YY1: variants seen among roughly 807,000 people sequenced by gnomAD.
The protein encoded by YY1 is YY1 transcription factor.
In YY1, 2 loss-of-function variants were observed where a neutral mutation model predicts 35.6. The ratio of observed to expected loss-of-function variants is 0.06; its 90% CI spans 0.02 to 0.18. The LOEUF (loss-of-function observed/expected upper bound fraction) is 0.18. Among genes scored for constraint, YY1 ranks in the 10% least tolerant of loss-of-function variants. The pLI is 1.00. For synonymous variants in YY1, 268 were observed against 238.9 expected, an observed-to-expected ratio of 1.12 and a Z score of -1.12; for missense variants, 322 against 573.4, an observed-to-expected ratio of 0.56 and a Z score of 4.48.
intron 2 of YY1, among the ~76,000 whole-genome samples, chr14:100,269,363 G>A (rs78791754): frequency 0.011 from 1,676 of 152,250 alleles, 33 homozygotes; most frequent in African/African-American, 0.038. Context: ...TCAAGGTCAT[G>A]CAGCTAGTAG....
intron 1 of YY1, among the ~76,000 whole-genome samples, chr14:100,260,771 C>CTTTTTTTTTTTTTTTTTTTTTTTT (rs71113254): frequency 2.3e-5 from 1 of 42,568 alleles, no homozygotes; most frequent in Non-Finnish European, 4.4e-5. Flanking sequence ...GTGCCTGGTC[C>CTTTTTTTTTTTTTTTTTTTTTTTT]TTTTTTTTTT....
At chr14:100,253,787 G>A (rs990693542) in intron 1 of YY1, among the ~76,000 whole-genome samples, 2 of 152,024 alleles carry the variant, frequency 1.3e-5, no homozygotes, top group Non-Finnish European at 2.9e-5. Context: ...CGCTGGGCCA[G>A]GGTTAATACT....
chr14:100,260,644 T>C (rs1293787782), intron 1 of YY1, among the ~76,000 whole-genome samples: 2 of 151,188 alleles, frequency 1.3e-5, no homozygotes, highest in Non-Finnish European at 2.9e-5. Flanking sequence ...GGCTAATTTT[T>C]TGTATTTTAG....
intron 1 of YY1, among the ~76,000 whole-genome samples, chr14:100,255,007 C>T (rs1175013696): frequency 1.8e-5 from 2 of 113,456 alleles, no homozygotes; most frequent in African/African-American, 3.5e-5. Context: ...CTATGTTGGC[C>T]AGGCTGGTCT....
chr14:100,276,361 C>T lies in YY1; in HGVS notation c.904-129C>T. 2.4e-6 allele frequency: 3 copies of T among 1,260,420 alleles called. No individual in the cohort carries two copies. Among genetic ancestry groups the T allele is most frequent in the Non-Finnish European group, 3.4e-6 (3 of 883,372 alleles). 78.1% of individuals were successfully genotyped at this position (1,260,420 alleles called of 1,614,324 possible). ...ATGATATTAATGTTCTACCGTAATACTAAGTAAAATTAAAATGGGGGGTTG... is the reference window on the plus strand; with the variant it reads ...ATGATATTAATGTTCTACCGTAATATTAAGTAAAATTAAAATGGGGGGTTG... On this transcript the variant is annotated intron_variant, in intron 3 of 4. Transcript: ENST00000262238. This position sits in a 1 kb window ranked among gnomAD's most constrained non-coding sequence, Gnocchi z 4.1.
intron 1 of YY1, 48 bp from the exon 2 acceptor site, chr14:100,262,256 T>A: frequency 1.2e-6 from 2 of 1,608,310 alleles, no homozygotes; most frequent in Non-Finnish European, 1.7e-6. Context: ...TTTTGTAGTT[T>A]TTAAAATCTA....
intron 1 of YY1, among the ~76,000 whole-genome samples, chr14:100,251,491 T>C (rs1222066723): frequency 6.6e-6 from 1 of 152,208 alleles, no homozygotes; most frequent in Non-Finnish European, 1.5e-5. Context: ...AAATTGGTGG[T>C]AGTTTGTTAC....
intron 1 of YY1, among the ~76,000 whole-genome samples, chr14:100,244,931 A>T (rs911649733): frequency 6.7e-6 from 1 of 148,508 alleles, no homozygotes; most frequent in African/African-American, 2.5e-5. Context: ...TTATTTATTT[A>T]TTTTTTATTT....
Position 100,239,674 on chromosome 14 carries a change from G to T in YY1, c.430G>T (p.Asp144Tyr). 6.2e-7 allele frequency: 1 copy of T among 1,608,240 alleles called. No individual in the cohort carries two copies. Among genetic ancestry groups the T allele is most frequent in the Non-Finnish European group, 8.5e-7 (1 of 1,179,476 alleles). ...GCCCGCGCCGGCCGGCGGCGACGAC[G>T]ACTACATTGAACAAACGCTGGTCAC... is the stretch of plus-strand genomic sequence containing the variant. ...PVPAPAGGDD[D>Y]YIEQTLVTVA... Residue 144 changes from aspartate (D) to tyrosine (Y), a missense_variant, in exon 1 of 5, where the codon GAC becomes TAC. Transcript: ENST00000262238.
chr14:100,250,347 G>A (rs566647118), intron 1 of YY1, among the ~76,000 whole-genome samples: 8 of 152,290 alleles, frequency 5.3e-5, no homozygotes, highest in African/African-American at 1.9e-4. Flanking sequence ...GTTGGGTGAT[G>A]GCAGCGGTGA....
intron 1 of YY1, among the ~76,000 whole-genome samples, chr14:100,249,748 G>GTTTTTTTTTTTTTTTTTTTTT (rs57119106): frequency 1.4e-5 from 2 of 141,026 alleles, no homozygotes; most frequent in Non-Finnish European, 1.5e-5. Flanking sequence ...GCTACTTACC[G>GTTTTTTTTTTTTTTTTTTTTT]TTTTTTTTTT....
intron 1 of YY1, among the ~76,000 whole-genome samples, chr14:100,249,760 G>GTTTTTGTTTTTGTT (rs34925666): frequency 7.0e-6 from 1 of 143,012 alleles, no homozygotes; most frequent in African/African-American, 2.6e-5. Context: ...TTTTTTTTTT[G>GTTTTTGTTTTTGTT]TTTGTTTTTG....
At chr14:100,244,087 G>A (rs1890792016) in intron 1 of YY1, among the ~76,000 whole-genome samples, 1 of 147,900 alleles carries the variant, frequency 6.8e-6, no homozygotes. Flanking sequence ...CAGCCTGGGC[G>A]ACAGAGCAAG....
intron 2 of YY1, among the ~76,000 whole-genome samples, chr14:100,271,927 A>G (rs1891244409): frequency 6.6e-6 from 1 of 152,198 alleles, no homozygotes; most frequent in South Asian, 2.1e-4. Flanking sequence ...ACACGAGTGC[A>G]TCATGTTAGC....
Position 100,276,984 on chromosome 14 carries a change from G to C in YY1, c.1062+336G>C, listed in dbSNP as rs1049474581. The C allele has an allele frequency of 2.4e-6, 1 of 418,306 alleles. No homozygotes were observed. The highest frequency in any genetic ancestry group is 4.4e-6 in the Non-Finnish European group (1 of 226,558). The allele number at this position is 418,306 out of a possible 1,614,324, so 25.9% of individuals were successfully genotyped here. The stretch of plus-strand genomic sequence containing the variant: ...AGTAATTTATTTTTGGTAGTTAATA[G>C]TATAATTACTAACTGATAAAGTTTC... On this transcript the variant is annotated intron_variant, in intron 4 of 4. Coordinates refer to ENST00000262238, the MANE Select transcript of YY1 (RefSeq NM_003403.5). The surrounding 1 kb of genome is among the most constrained non-coding windows in gnomAD (Gnocchi z 4.1).
chr14:100,276,699 G>A lies in YY1; in HGVS notation c.1062+51G>A. ...ACACTGCCTTGCCTGTCTGAACACT[G>A]CAAGTGTAGGTGGTGTGGTGATGAG... On this transcript the variant is annotated intron_variant, in intron 4 of 4. Transcript: ENST00000262238. The surrounding 1 kb of genome is among the most constrained non-coding windows in gnomAD (Gnocchi z 4.1). 3 of 1,612,342 alleles carry A rather than the reference G, an allele frequency of 1.9e-6. 1 individual carries two copies. Among genetic ancestry groups the A allele is most frequent in the Middle Eastern group, 3.4e-4 (2 of 5,958 alleles).
chr14:100,251,083 A>G (rs1185890664), intron 1 of YY1, among the ~76,000 whole-genome samples: 1 of 152,226 alleles, frequency 6.6e-6, no homozygotes, highest in Non-Finnish European at 1.5e-5. Context: ...TGACTGAATA[A>G]TGACTCCCAA....
At chr14:100,260,456 C>T (rs1891067022) in intron 1 of YY1, among the ~76,000 whole-genome samples, 1 of 136,594 alleles carries the variant, frequency 7.3e-6, no homozygotes, top group South Asian at 2.5e-4. Context: ...TACACACACA[C>T]ACACATATAT....
chr14:100,261,200 GT>G (rs1383942417), intron 1 of YY1, among the ~76,000 whole-genome samples: 1 of 151,642 alleles, frequency 6.6e-6, no homozygotes, highest in East Asian at 1.9e-4. Context: ...TTTTTGCTTT[GT>G]TTTTTTGAGA....
Sources: gnomAD v4.1 joint callset for allele counts (sites outside exome capture counted in the v4.1 genomes callset) on GRCh38, gnomAD v4.1.1 for gene constraint, Gnocchi (gnomAD v3.1) non-coding constraint, MANE v1.5 for transcripts, NCBI Gene and HGNC (gene_info 2026-07-23, HGNC 2026-07-21) for gene names.